Variants in OOSP4B observed in about 807,000 individuals in gnomAD.
The protein encoded by OOSP4B is oocyte secreted protein family member 4B, also known as oocyte-secreted protein 4B.
At chr11:60,017,283 G>A (rs1162582610) in exon 1 of OOSP4B, 29 of 398,200 alleles carry the variant, frequency 7.3e-5, no homozygotes, top group Non-Finnish European at 9.7e-5. Flanking sequence ...TGCCCCAGCA[G>A]AGGGTAATTG....
At chr11:60,024,971 A>G (rs1464369562) in exon 3 of OOSP4B, 6 of 398,238 alleles carry the variant, frequency 1.5e-5, no homozygotes. Context: ...GTTGCATACT[A>G]CCTATGAATT....
intron 1 of OOSP4B, among the ~76,000 whole-genome samples, chr11:60,018,465 G>C (rs569121308): frequency 1.3e-5 from 2 of 152,192 alleles, no homozygotes; most frequent in Non-Finnish European, 2.9e-5. Context: ...AGGCTGAGTT[G>C]AGAAACCCAG....
Position 60,030,785 on chromosome 11 carries a change from T to C in OOSP4B, c.451-17T>C, listed in dbSNP as rs1590596295. The C allele has an allele frequency of 5.0e-6, 2 of 398,042 alleles. No homozygotes were observed. The highest frequency in any genetic ancestry group is 4.1e-5 in the African/African-American group (2 of 48,572). 24.7% of individuals were successfully genotyped at this position (398,042 alleles called of 1,614,324 possible). Reference sequence around the variant, plus strand: ...TATTTAAGCAGCTCTTAACTGCTTTTCCCCCCTATCCTACAGGAGCAACTA... The same window carrying C: ...TATTTAAGCAGCTCTTAACTGCTTTCCCCCCCTATCCTACAGGAGCAACTA... On this transcript the variant is annotated splice_polypyrimidine_tract_variant and intron_variant, in intron 4 of 4. Coordinates refer to ENST00000642343, the Ensembl canonical transcript of OOSP4B.
At chr11:60,019,694 G>C (rs910159235) in intron 1 of OOSP4B, 1 of 152,264 alleles carries the variant, frequency 6.6e-6, no homozygotes, top group Non-Finnish European at 1.5e-5. Flanking sequence ...GAGTGTTACA[G>C]CTCATAAAGG....
Position 60,027,655 on chromosome 11 carries a change from T to TAAAAAAAAAAAAAAAAAAAAAAAAAAA in OOSP4B, c.303-2102_303-2101insAAAAAAAAAAAAAAAAAAAAAAAAAAA, listed in dbSNP as rs61649958. 1.4e-4 allele frequency among the ~76,000 whole-genome samples: 9 copies of TAAAAAAAAAAAAAAAAAAAAAAAAAAA among 62,220 alleles called. 2 individuals carry two copies. The highest frequency in any genetic ancestry group is 2.3e-4 in the Non-Finnish European group (7 of 29,862). The allele number at this position is 62,220 out of a possible 152,430, so 40.8% of individuals were successfully genotyped here. A position where few individuals can be genotyped will look rare whatever the true frequency, so the allele number is the denominator to read the frequency against. ...TCTAAGCAGGTAAAGGCTATGATAT[T>TAAAAAAAAAAAAAAAAAAAAAAAAAAA]AAAAAAAAAAAAAAAAAAAAAAAAA... On this transcript the variant is annotated intron_variant, in intron 3 of 4. Coordinates refer to ENST00000642343, the Ensembl canonical transcript of OOSP4B.
chr11:60,026,817 A>G (rs1854750271), intron 3 of OOSP4B, among the ~76,000 whole-genome samples: 1 of 152,246 alleles, frequency 6.6e-6, no homozygotes, highest in Admixed American at 6.5e-5. Context: ...CAGTAGCAGC[A>G]TGTGGTTAGT....
chr11:60,029,923 T>C, exon 4 of OOSP4B: 1 of 398,366 alleles, frequency 2.5e-6, no homozygotes, highest in Non-Finnish European at 4.4e-6. Context: ...TTAACAGTGT[T>C]AATAAGGTGA....
At chr11:60,023,732 C>A in intron 1 of OOSP4B, 148 bp from the exon 2 acceptor site, 3 of 387,840 alleles carry the variant, frequency 7.7e-6, no homozygotes, top group Non-Finnish European at 1.4e-5. Context: ...CTGTGCCTGG[C>A]CTATACCTGC....
intron 3 of OOSP4B, 74 bp from the exon 4 acceptor site, chr11:60,029,708 A>G (rs1188667561): frequency 1.0e-5 from 4 of 397,182 alleles, no homozygotes; most frequent in Non-Finnish European, 1.8e-5. Flanking sequence ...GAACCTATCT[A>G]ATACATATTT....
At chr11:60,027,504 A>G (rs1437959999) in intron 3 of OOSP4B, among the ~76,000 whole-genome samples, 1 of 151,912 alleles carries the variant, frequency 6.6e-6, no homozygotes, top group Non-Finnish European at 1.5e-5. Context: ...ACCTCTGTCT[A>G]TAATATTAGC....
chr11:60,018,481 T>C (rs1252412862), intron 1 of OOSP4B, among the ~76,000 whole-genome samples: 2 of 152,224 alleles, frequency 1.3e-5, no homozygotes, highest in Non-Finnish European at 1.5e-5. Context: ...CCCAGCCTTG[T>C]GTTTTATTTT....
chr11:60,020,050 A>T (rs1336304705), intron 1 of OOSP4B, among the ~76,000 whole-genome samples: 1 of 152,122 alleles, frequency 6.6e-6, no homozygotes, highest in Admixed American at 6.6e-5. Context: ...GCATTCACAA[A>T]CGCTGAGCTA....
At chr11:60,025,315 G>A (rs1854737459) in intron 3 of OOSP4B, among the ~76,000 whole-genome samples, 1 of 152,114 alleles carries the variant, frequency 6.6e-6, no homozygotes, top group Admixed American at 6.6e-5. Flanking sequence ...CATGAATCAA[G>A]GATCAATAAT....
exon 1 of OOSP4B, chr11:60,017,394 G>A (rs1198746265): frequency 2.5e-6 from 1 of 398,552 alleles, no homozygotes; most frequent in Non-Finnish European, 4.4e-6. Flanking sequence ...CTGGAGCAAT[G>A]AAGACCTCTG....
chr11:60,028,269 G>A (rs918978960), intron 3 of OOSP4B, among the ~76,000 whole-genome samples: 10 of 151,644 alleles, frequency 6.6e-5, no homozygotes, highest in African/African-American at 1.9e-4. Context: ...GGGTTCAAGC[G>A]ATTCTCCTGC....
At chr11:60,026,754 C>G (rs191861176) in intron 3 of OOSP4B, among the ~76,000 whole-genome samples, 3 of 152,254 alleles carry the variant, frequency 2.0e-5, no homozygotes, top group Admixed American at 6.5e-5. Context: ...ATGTAAATTA[C>G]TAAAATTAAA....
At chr11:60,030,989 C>T (rs1035772962) in exon 5 of OOSP4B, 22 of 393,836 alleles carry the variant, frequency 5.6e-5, no homozygotes, top group Non-Finnish European at 8.1e-5. Flanking sequence ...TTTTGAATAA[C>T]ATATCTATAC....
intron 1 of OOSP4B, among the ~76,000 whole-genome samples, chr11:60,023,567 TG>T (rs1235449346): frequency 4.6e-5 from 7 of 152,238 alleles, no homozygotes; most frequent in African/African-American, 1.7e-4. Flanking sequence ...CCCAAGTAGC[TG>T]GGATTACAGG....
intron 1 of OOSP4B, among the ~76,000 whole-genome samples, chr11:60,021,037 A>C (rs1403438636): frequency 6.6e-6 from 1 of 152,224 alleles, no homozygotes; most frequent in Non-Finnish European, 1.5e-5. Context: ...GGAAAGTATT[A>C]GTTATATAAA....
Sources: gnomAD v4.1 joint callset for allele counts (sites outside exome capture counted in the v4.1 genomes callset) on GRCh38, gnomAD v4.1.1 for gene constraint, MANE v1.5 for transcripts, NCBI Gene and HGNC (gene_info 2026-07-23, HGNC 2026-07-21) for gene names.